The following SNX7 variants were observed in gnomAD, a reference collection of about 807,000 sequenced individuals.
SNX7 encodes sorting nexin-7.
In SNX7, 35 loss-of-function variants were observed where a neutral mutation model predicts 48.4. The ratio of observed to expected loss-of-function variants is 0.72; its 90% CI spans 0.55 to 0.96. The LOEUF (loss-of-function observed/expected upper bound fraction) is 0.96. Among genes scored for constraint, SNX7 ranks in the 40% least tolerant of loss-of-function variants. The pLI, the probability that SNX7 is intolerant of heterozygous loss-of-function variation, is 0.00. For missense variants in SNX7, 553 were observed against 548.9 expected, an observed-to-expected ratio of 1.01 and a Z score of -0.07; for synonymous variants, 190 against 190.2, an observed-to-expected ratio of 1.00 and a Z score of 0.01.
intron 7 of SNX7, among the ~76,000 whole-genome samples, chr1:98,711,552 G>C (rs978052901): frequency 1.3e-5 from 2 of 152,134 alleles, no homozygotes; most frequent in Non-Finnish European, 2.9e-5. Flanking sequence ...ATATGCCATA[G>C]CATTATGTGT....
In SNX7 at chr1:98,685,000, C is replaced by G. The variant is rs187349988; in HGVS notation, c.296C>G (p.Thr99Arg). ...CCAGATTTAAAGGATCTCTTCATCA[C>G]AGTTGATGAACCTGAAAGTCATGTT... ...DEPDLKDLFITVDEPESHVTT... is the reference protein window; with the variant it reads ...DEPDLKDLFIRVDEPESHVTT... Residue 99 changes from threonine (T) to arginine (R), a missense_variant, in exon 2 of 9, where the codon ACA becomes AGA. By Grantham distance (71) the Thr-to-Arg change is moderately conservative. Transcript: ENST00000306121. 3.1e-5 allele frequency: 50 copies of G among 1,593,582 alleles called. No individual in the cohort carries two copies. The highest frequency in any genetic ancestry group is 4.0e-5 in the African/African-American group (3 of 74,702).
intron 7 of SNX7, among the ~76,000 whole-genome samples, chr1:98,721,073 C>T (rs1040809777): frequency 7.0e-6 from 1 of 143,110 alleles, no homozygotes; most frequent in East Asian, 2.0e-4. Flanking sequence ...TTTTAATTTA[C>T]AGATTATTTA....
intron 7 of SNX7, among the ~76,000 whole-genome samples, chr1:98,704,469 A>T (rs1430814835): frequency 2.0e-5 from 3 of 152,160 alleles, no homozygotes; most frequent in African/African-American, 7.2e-5. Context: ...AGGCCTTCTC[A>T]CTTTTAAAAT....
chr1:98,739,880 A>T (rs972215212), intron 8 of SNX7, among the ~76,000 whole-genome samples: 19 of 152,194 alleles, frequency 1.2e-4, no homozygotes, highest in African/African-American at 4.3e-4. Flanking sequence ...AATGGGAGCC[A>T]TTGAGTAGTT....
chr1:98,760,322 A>G lies in SNX7; in HGVS notation c.*191A>G, dbSNP rs537637020. On this transcript the variant is annotated 3_prime_UTR_variant, in exon 9 of 9. Coordinates refer to ENST00000306121, the MANE Select transcript of SNX7 (RefSeq NM_015976.5). The stretch of plus-strand genomic sequence containing the variant: ...TGAAGATATATCTATCTGTATGGAT[A>G]TATATCTATATGTATATAGATATAT... 2.0e-5 allele frequency: 11 copies of G among 552,830 alleles called. No individual in the cohort carries two copies. In the Admixed American group the frequency reaches 3.3e-4, roughly 17 times the overall value. The allele number at this position is 552,830 out of a possible 1,614,324, so 34.2% of individuals were successfully genotyped here.
intron 1 of SNX7, among the ~76,000 whole-genome samples, chr1:98,663,252 GGTTTTTTTTTTTTTTTTTTTTTT>G (rs1185241996): frequency 0.016 from 1,357 of 83,166 alleles, 89 homozygotes; most frequent in East Asian, 0.077. Flanking sequence ...GTTTCTTTCT[GGTTTTTTTTTTTTTTTTTTTTTT>G]TTTTTTTTTT....
chr1:98,743,387 G>A (rs1296601963), intron 8 of SNX7, among the ~76,000 whole-genome samples: 1 of 151,698 alleles, frequency 6.6e-6, no homozygotes, highest in East Asian at 1.9e-4. Flanking sequence ...TTTTTTGCTT[G>A]ATTGTAATGG....
At chr1:98,668,101 G>A (rs1471175573) in intron 1 of SNX7, among the ~76,000 whole-genome samples, 2 of 152,110 alleles carry the variant, frequency 1.3e-5, no homozygotes, top group Non-Finnish European at 2.9e-5. Context: ...GAAAGAAGGT[G>A]AAAAGCTCTA....
chr1:98,722,794 G>T (rs540635160), intron 7 of SNX7, among the ~76,000 whole-genome samples: 1 of 146,438 alleles, frequency 6.8e-6, no homozygotes, highest in African/African-American at 2.5e-5. Context: ...AAACAATGAT[G>T]ATATTTTTAA....
intron 8 of SNX7, among the ~76,000 whole-genome samples, chr1:98,750,403 C>T (rs1358329585): frequency 1.3e-5 from 2 of 151,360 alleles, no homozygotes; most frequent in Non-Finnish European, 1.5e-5. Context: ...GTATCCTCAT[C>T]GATGAAGTGA....
At chr1:98,733,235 A>G (rs1653609204) in intron 7 of SNX7, among the ~76,000 whole-genome samples, 1 of 152,092 alleles carries the variant, frequency 6.6e-6, no homozygotes, top group Admixed American at 6.6e-5. Context: ...ACCCTACGGT[A>G]TTTGTTCTTC....
intron 8 of SNX7, among the ~76,000 whole-genome samples, chr1:98,747,815 A>C (rs1444864102): frequency 6.6e-6 from 1 of 152,032 alleles, no homozygotes; most frequent in Non-Finnish European, 1.5e-5. Flanking sequence ...TCATTTTTAG[A>C]ATTCTTAAGT....
At chr1:98,732,579 A>G (rs1264358119) in intron 7 of SNX7, among the ~76,000 whole-genome samples, 1 of 152,142 alleles carries the variant, frequency 6.6e-6, no homozygotes, top group Non-Finnish European at 1.5e-5. Context: ...AGCTTCTTGC[A>G]TGACTCAGCT....
intron 2 of SNX7, 135 bp downstream of exon 2, chr1:98,685,202 G>A: frequency 2.0e-6 from 1 of 489,558 alleles, no homozygotes; most frequent in Non-Finnish European, 3.4e-6. Flanking sequence ...CAAACCTTTT[G>A]GCTAACACAT....
intron 1 of SNX7, among the ~76,000 whole-genome samples, chr1:98,677,598 G>C (rs1557790536): frequency 6.6e-6 from 1 of 152,120 alleles, no homozygotes; most frequent in Non-Finnish European, 1.5e-5. Context: ...GAGGTATATA[G>C]GCCAGGGGCA....
At chr1:98,691,871 T>G (rs1651148001) in intron 4 of SNX7, among the ~76,000 whole-genome samples, 172 bp downstream of exon 4, 2 of 151,694 alleles carry the variant, frequency 1.3e-5, no homozygotes, top group African/African-American at 4.8e-5. Context: ...GTGTCAAATC[T>G]ACATATAAAT....
chr1:98,710,079 A>G (rs76331583), intron 7 of SNX7, among the ~76,000 whole-genome samples: 2,688 of 152,288 alleles, frequency 0.018, 98 homozygotes, highest in African/African-American at 0.062. Context: ...TTTGAAATTC[A>G]TAAACAGCAG....
At chr1:98,682,022 G>A (rs920723727) in intron 1 of SNX7, among the ~76,000 whole-genome samples, 1 of 151,856 alleles carries the variant, frequency 6.6e-6, no homozygotes, top group African/African-American at 2.4e-5. Flanking sequence ...TTTATCTACA[G>A]ATCTAACATA....
rs755110544 is a variant in SNX7, at chr1:98,695,735, A to G, written c.838+19A>G. On this transcript the variant is annotated intron_variant, in intron 5 of 8. Transcript: ENST00000306121. ...GAAAGGGGTAAGTAGAATTACTGAA[A>G]TGTGATTTCAAAGTTGTTCAGTTTC... 3 of 1,489,360 alleles carry G rather than the reference A, an allele frequency of 2.0e-6. No homozygotes were observed. The highest frequency in any genetic ancestry group is 2.8e-6 in the Non-Finnish European group (3 of 1,067,956). The allele number at this position is 1,489,360 out of a possible 1,614,324, so 92.3% of individuals were successfully genotyped here. A position where few individuals can be genotyped will look rare whatever the true frequency, so the allele number is the denominator to read the frequency against.
Sources: gnomAD v4.1 joint callset for allele counts (sites outside exome capture counted in the v4.1 genomes callset) on GRCh38, gnomAD v4.1.1 for gene constraint, MANE v1.5 for transcripts, NCBI Gene and HGNC (gene_info 2026-07-23, HGNC 2026-07-21) for gene names.